The following REV1 variants were observed in gnomAD, a reference collection of about 807,000 sequenced individuals.
REV1 encodes translesion synthesis protein REV1.
Under a neutral mutation model 137.4 loss-of-function variants are expected in REV1, and 42 were observed. The ratio of observed to expected loss-of-function variants is 0.31; its 90% CI spans 0.24 to 0.40. The LOEUF (loss-of-function observed/expected upper bound fraction) is 0.40, where lower values mean the gene tolerates loss of function less well. Ranked by LOEUF, REV1 falls within the 10% of genes least tolerant of loss-of-function variation. The pLI, the probability that REV1 is intolerant of heterozygous loss-of-function variation, is 1.00. For missense variants in REV1, 1,282 were observed against 1,490.1 expected, an observed-to-expected ratio of 0.86 and a Z score of 2.30; for synonymous variants, 524 against 519.2, an observed-to-expected ratio of 1.01 and a Z score of -0.12.
At chr2:99,480,986 A>G (rs1033821840) in intron 1 of REV1, among the ~76,000 whole-genome samples, 1 of 152,236 alleles carries the variant, frequency 6.6e-6, no homozygotes, top group Non-Finnish European at 1.5e-5. Context: ...TATAATCTTC[A>G]AGTGACAATC....
chr2:99,467,913 G>T (rs1384959117), intron 1 of REV1, among the ~76,000 whole-genome samples: 3 of 152,164 alleles, frequency 2.0e-5, no homozygotes, highest in Admixed American at 6.5e-5. Flanking sequence ...GGGCACGATG[G>T]CTCACGCCTA....
chr2:99,438,545 A>G (rs1348231886), intron 6 of REV1, 56 bp downstream of exon 6: 1 of 1,344,060 alleles, frequency 7.4e-7, no homozygotes, highest in Non-Finnish European at 1.0e-6. Context: ...ATAGCATAAG[A>G]GCAAAATGAT....
intron 1 of REV1, among the ~76,000 whole-genome samples, chr2:99,467,866 T>C (rs1684986492): frequency 6.6e-6 from 1 of 151,682 alleles, no homozygotes; most frequent in Non-Finnish European, 1.5e-5. Flanking sequence ...GCCAACATGG[T>C]GAAATCCCAT....
intron 12 of REV1, among the ~76,000 whole-genome samples, chr2:99,418,139 G>A (rs1420897907): frequency 2.0e-5 from 3 of 151,996 alleles, no homozygotes; most frequent in Admixed American, 1.3e-4. Context: ...ATCTAAAAAT[G>A]CCACTAAATC....
rs754473039 is a variant in REV1 at position 99,401,204 on chromosome 2, C to T, written c.*37G>A. The T allele has an allele frequency of 1.9e-5, 25 of 1,284,712 alleles. No homozygotes were observed. Among genetic ancestry groups the T allele is most frequent in the South Asian group, 1.7e-4 (14 of 83,762 alleles). The allele number at this position is 1,284,712 out of a possible 1,614,324, so 79.6% of individuals were successfully genotyped here. On this transcript the variant is annotated 3_prime_UTR_variant, in exon 23 of 23. Transcript: ENST00000258428. ...GCAAATACCTCACAAGCACTTATGG[C>T]ACAGCTATCAGAGAGCATCAGGCTC...
chr2:99,405,868 G>C lies in REV1; in HGVS notation c.2811+42C>G, dbSNP rs577970215. 4.1e-6 allele frequency: 5 copies of C among 1,222,588 alleles called. No homozygotes were observed. In the East Asian group the frequency reaches 1.3e-4, roughly 32 times the overall value. The allele number at this position is 1,222,588 out of a possible 1,614,324, so 75.7% of individuals were successfully genotyped here. A position where few individuals can be genotyped will look rare whatever the true frequency, so the allele number is the denominator to read the frequency against. ...ACTTGTATTTTTGTATTTATATTTA[G>C]GAGTATAAAATGTACTTATATTTAG... On this transcript the variant is annotated intron_variant, in intron 17 of 22. Coordinates refer to ENST00000258428, the MANE Select transcript of REV1 (RefSeq NM_016316.4).
chr2:99,451,239 C>G, intron 3 of REV1: 1 of 628,634 alleles, frequency 1.6e-6, no homozygotes, highest in Non-Finnish European at 2.1e-6. Context: ...CTTTCCTAAA[C>G]TAATTCTATT....
At chr2:99,435,797 A>C (rs753024395) in intron 7 of REV1, 37 bp downstream of exon 7, 1 of 995,706 alleles carries the variant, frequency 1.0e-6, no homozygotes, top group Non-Finnish European at 1.5e-6. Context: ...TTATAACAAT[A>C]TATCAGTTTT....
In REV1 at chr2:99,403,962, T is replaced by C. The variant is rs149266342; in HGVS notation, c.3046-147A>G. 2.7e-4 allele frequency: 263 copies of C among 975,678 alleles called. 2 individuals carry two copies. The highest frequency in any genetic ancestry group is 1.2e-4 in the Non-Finnish European group (80 of 668,386). The allele number at this position is 975,678 out of a possible 1,614,324, so 60.4% of individuals were successfully genotyped here. On this transcript the variant is annotated intron_variant, in intron 18 of 22. Transcript: ENST00000258428. ...ACAGTTCCCCAATATCAAAGCTGAT[T>C]AAATCTTCAAAATGGTTAGAGCAAG...
In REV1 at chr2:99,435,949, G is replaced by A; in HGVS notation, c.1214-8C>T. 1 of 1,458,610 alleles carries A rather than the reference G, an allele frequency of 6.9e-7. No individual in the cohort carries two copies. Among genetic ancestry groups the A allele is most frequent in the East Asian group, 2.3e-5 (1 of 43,906 alleles). 90.4% of individuals were successfully genotyped at this position (1,458,610 alleles called of 1,614,324 possible). ...TCAATACTGACATATCTCCTAGAAG[G>A]AAAAAGACAGCATTCAAACCCCAAG... On this transcript the variant is annotated splice_polypyrimidine_tract_variant and splice_region_variant and intron_variant, in intron 6 of 22. Transcript: ENST00000258428.
intron 3 of REV1, among the ~76,000 whole-genome samples, chr2:99,461,290 A>G (rs1468389792): frequency 6.6e-6 from 1 of 152,256 alleles, no homozygotes; most frequent in Non-Finnish European, 1.5e-5. Context: ...CTCCAATTCA[A>G]CAAATATGTC....
chr2:99,438,119 C>T (rs967408672), intron 6 of REV1, among the ~76,000 whole-genome samples: 1 of 152,114 alleles, frequency 6.6e-6, no homozygotes, highest in Non-Finnish European at 1.5e-5. Flanking sequence ...AAACAAAATA[C>T]AATGAACCAA....
intron 8 of REV1, among the ~76,000 whole-genome samples, chr2:99,431,194 C>T (rs187129113): frequency 3.0e-4 from 46 of 152,280 alleles, no homozygotes; most frequent in Admixed American, 1.6e-3. Context: ...TTCTGGATTT[C>T]GGCAACCATA....
At chr2:99,470,111 A>T (rs1358211880) in intron 1 of REV1, among the ~76,000 whole-genome samples, 3 of 149,482 alleles carry the variant, frequency 2.0e-5, no homozygotes, top group Non-Finnish European at 3.0e-5. Flanking sequence ...ACAGAGCAAG[A>T]CTCCATCTCA....
At chr2:99,455,398 C>T (rs1194143935) in intron 3 of REV1, among the ~76,000 whole-genome samples, 4 of 152,182 alleles carry the variant, frequency 2.6e-5, no homozygotes, top group Non-Finnish European at 4.4e-5. Context: ...CTTCTCACCC[C>T]TAACTACCTC....
Position 99,408,046 on chromosome 2 carries a change from T to C in REV1, c.2431A>G (p.Ile811Val), listed in dbSNP as rs373651460. ...LNMFHTMKLN[I>V]SDMRGVGIHV... ...ATACTTACCCCTCTCATATCTGATA[T>C]ATTTAGTTTCATTGTATGAAACATG... Residue 811 changes from isoleucine to valine, a missense_variant, in exon 15 of 23, where the codon ATA (isoleucine) becomes GTA (valine). This residue lies in a region of REV1 where 372 missense variants were observed against 482.3 expected (regional missense o/e 0.77). Coordinates refer to ENST00000258428, the MANE Select transcript of REV1 (RefSeq NM_016316.4). 40 of 1,590,498 alleles carry C rather than the reference T, an allele frequency of 2.5e-5. No individual in the cohort carries two copies. The highest frequency in any genetic ancestry group is 3.4e-5 in the Admixed American group (2 of 58,276).
chr2:99,450,190 C>T (rs1682760785), intron 3 of REV1, among the ~76,000 whole-genome samples: 1 of 151,994 alleles, frequency 6.6e-6, no homozygotes, highest in Non-Finnish European at 1.5e-5. Context: ...ATGATTTATT[C>T]TTAATAAAAC....
intron 10 of REV1, among the ~76,000 whole-genome samples, chr2:99,423,237 T>C (rs1678913014): frequency 3.9e-5 from 6 of 152,214 alleles, no homozygotes; most frequent in Admixed American, 3.9e-4. Flanking sequence ...TCACCTGTAC[T>C]TAGCAGATAC....
intron 9 of REV1, among the ~76,000 whole-genome samples, chr2:99,429,021 T>C (rs1679771510): frequency 1.3e-5 from 2 of 150,282 alleles, no homozygotes; most frequent in Non-Finnish European, 3.0e-5. Flanking sequence ...AAGATGTAAC[T>C]GATCTAAGAC....
Sources: gnomAD v4.1 joint callset for allele counts (sites outside exome capture counted in the v4.1 genomes callset) on GRCh38, gnomAD v4.1.1 for gene constraint, gnomAD v4.1.1 regional missense constraint, MANE v1.5 for transcripts, NCBI Gene and HGNC (gene_info 2026-07-23, HGNC 2026-07-21) for gene names.